The following ATP2B4 variants were observed in gnomAD, a reference collection of about 807,000 sequenced individuals.
ATP2B4 encodes ATPase plasma membrane Ca2+ transporting 4, also known as plasma membrane calcium-transporting ATPase 4.
Under a neutral mutation model 110.3 loss-of-function variants are expected in ATP2B4, and 39 were observed. That is an observed-to-expected ratio of 0.35 (90% CI 0.27 to 0.46). The LOEUF is 0.46. Ranked by LOEUF, ATP2B4 falls within the 20% of genes least tolerant of loss-of-function variation. The probability of loss-of-function intolerance (pLI) is 1.00; values close to 1 mark genes in which losing one functional copy is unlikely to be tolerated. For missense variants in ATP2B4, 1,135 were observed against 1,530.9 expected, an observed-to-expected ratio of 0.74 and a Z score of 4.32; for synonymous variants, 538 against 571.7, an observed-to-expected ratio of 0.94 and a Z score of 0.84.
chr1:203,649,569 G>C (rs1173858189), intron 1 of ATP2B4, among the ~76,000 whole-genome samples: 2 of 152,046 alleles, frequency 1.3e-5, no homozygotes, highest in Non-Finnish European at 2.9e-5. Context: ...CCAGGAGTTC[G>C]AGACCAGTCT....
Position 203,732,119 on chromosome 1 carries a change from G to A in ATP2B4, c.3309+4548G>A, listed in dbSNP as rs558786889. Among the ~76,000 whole-genome samples the A allele has an allele frequency of 8.8e-5, 13 of 147,200 alleles. No individual in the cohort carries two copies. The South Asian group carries it at 2.8e-3, about 32-fold the overall frequency. On this transcript the variant is annotated intron_variant, in intron 20 of 20. Coordinates refer to ENST00000357681, the MANE Select transcript of ATP2B4 (RefSeq NM_001684.5). ...GTGAACCCGGGAGGCGGAGCTTGCAGTGAGCCGAGATCGCACCTTGCACTC... is the reference window on the plus strand; with the variant it reads ...GTGAACCCGGGAGGCGGAGCTTGCAATGAGCCGAGATCGCACCTTGCACTC...
At chr1:203,628,101 G>C (rs910171642) in intron 1 of ATP2B4, among the ~76,000 whole-genome samples, 2 of 152,200 alleles carry the variant, frequency 1.3e-5, no homozygotes, top group Admixed American at 1.3e-4. Flanking sequence ...TGGCAGATGG[G>C]GTGGGCCACA....
intron 1 of ATP2B4, among the ~76,000 whole-genome samples, chr1:203,674,386 A>G (rs1553246542): frequency 6.6e-6 from 1 of 152,192 alleles, no homozygotes; most frequent in Non-Finnish European, 1.5e-5. Flanking sequence ...ACTGGAGGAC[A>G]CAGAGGTGAC....
intron 19 of ATP2B4, among the ~76,000 whole-genome samples, chr1:203,725,838 C>T (rs918248621): frequency 6.6e-6 from 1 of 151,362 alleles, no homozygotes; most frequent in Non-Finnish European, 1.5e-5. Context: ...TCCCCTAAAC[C>T]TGCTAGTTAT....
chr1:203,714,346 G>T (rs1666099806), intron 15 of ATP2B4, 69 bp downstream of exon 15: 1 of 1,552,534 alleles, frequency 6.4e-7, no homozygotes, highest in Admixed American at 1.7e-5. Flanking sequence ...TCCGGCTTCT[G>T]GTTGCCTGCT....
intron 18 of ATP2B4, 97 bp from the exon 19 acceptor site, chr1:203,723,784 G>A: frequency 1.1e-6 from 1 of 919,196 alleles, no homozygotes; most frequent in Non-Finnish European, 1.7e-6. Context: ...CAAGGATCCT[G>A]AGGAGTGGGA....
intron 1 of ATP2B4, among the ~76,000 whole-genome samples, chr1:203,635,456 TG>T: frequency 6.6e-6 from 1 of 152,276 alleles, no homozygotes; most frequent in Non-Finnish European, 1.5e-5. Context: ...ATTGTTGTTT[TG>T]TTTTTTTGTA....
Position 203,731,445 on chromosome 1 carries a change from A to C in ATP2B4, c.3309+3874A>C, listed in dbSNP as rs191161659. 2.6e-3 allele frequency among the ~76,000 whole-genome samples: 392 copies of C among 152,298 alleles called. 2 individuals are homozygous for C. The highest frequency in any genetic ancestry group is 3.9e-3 in the Non-Finnish European group (268 of 68,028). On this transcript the variant is annotated intron_variant, in intron 20 of 20. Coordinates refer to ENST00000357681, the MANE Select transcript of ATP2B4 (RefSeq NM_001684.5). ...AGATAGATATTTCTAAGATTATTCTACCAGATTCATGAAGGCTAAAGGGAA... is the reference window on the plus strand; with the variant it reads ...AGATAGATATTTCTAAGATTATTCTCCCAGATTCATGAAGGCTAAAGGGAA...
At chr1:203,659,972 C>A (rs934171188) in intron 1 of ATP2B4, among the ~76,000 whole-genome samples, 4 of 151,774 alleles carry the variant, frequency 2.6e-5, no homozygotes, top group African/African-American at 9.7e-5. Flanking sequence ...ATCTCAGCTA[C>A]TCGGGAGGCT....
intron 1 of ATP2B4, among the ~76,000 whole-genome samples, chr1:203,631,379 A>G (rs1219382558): frequency 6.6e-6 from 1 of 152,190 alleles, no homozygotes; most frequent in Admixed American, 6.5e-5. Context: ...ATGAACTGGG[A>G]TGGGATTACT....
intron 1 of ATP2B4, among the ~76,000 whole-genome samples, chr1:203,659,976 G>C (rs1426852844): frequency 2.0e-5 from 3 of 151,950 alleles, no homozygotes; most frequent in African/African-American, 7.3e-5. Context: ...CAGCTACTCG[G>C]GAGGCTGAGG....
At chr1:203,686,196 A>G (rs1326002461) in intron 2 of ATP2B4, among the ~76,000 whole-genome samples, 3 of 152,074 alleles carry the variant, frequency 2.0e-5, no homozygotes, top group Non-Finnish European at 4.4e-5. Flanking sequence ...TTATATCTTC[A>G]CTGAGATTAT....
chr1:203,733,314 T>C (rs1055202956), intron 20 of ATP2B4: 4 of 1,614,176 alleles, frequency 2.5e-6, no homozygotes, highest in Non-Finnish European at 3.4e-6. Flanking sequence ...GTAAAACTTG[T>C]TCCTAGTTCA....
chr1:203,674,637 CTTTTTTTTTTTTTTTT>C (rs57153257), intron 1 of ATP2B4, among the ~76,000 whole-genome samples: 9 of 46,268 alleles, frequency 1.9e-4, no homozygotes, highest in Admixed American at 3.6e-4. Flanking sequence ...CCACACCTGG[CTTTTTTTTTTTTTTTT>C]TTTTTTTTTT....
rs1440237379 is a variant in ATP2B4, at chr1:203,740,600, G to A, written c.*746G>A. On this transcript the variant is annotated 3_prime_UTR_variant, in exon 21 of 21. Coordinates refer to ENST00000357681, the MANE Select transcript of ATP2B4 (RefSeq NM_001684.5). ...AAAAGGGTCCTTTTGAAGCAATTAA[G>A]TGCTGGTAAGAATATTTCTCTGTTG... 2 of 152,178 alleles carry A rather than the reference G, an allele frequency of 1.3e-5. No individual in the cohort carries two copies. The highest frequency in any genetic ancestry group is 2.9e-5 in the Non-Finnish European group (2 of 68,040). 9.4% of individuals were successfully genotyped at this position (152,178 alleles called of 1,614,324 possible).
At position 203,740,567 on chromosome 1, in the gene ATP2B4, T is replaced by TGACC. The variant is rs1666978609; in HGVS notation, c.*713_*714insGACC. The TGACC allele has an allele frequency of 6.6e-6, 1 of 152,172 alleles. No homozygotes were observed. The highest frequency in any genetic ancestry group is 1.5e-5 in the Non-Finnish European group (1 of 68,034). 9.4% of individuals were successfully genotyped at this position (152,172 alleles called of 1,614,324 possible). A position where few individuals can be genotyped will look rare whatever the true frequency, so the allele number is the denominator to read the frequency against. On this transcript the variant is annotated 3_prime_UTR_variant, in exon 21 of 21. Coordinates refer to ENST00000357681, the MANE Select transcript of ATP2B4 (RefSeq NM_001684.5). ...ATTTAGTTCCAGAATCCAACCAGTT[T>TGACC]CTTTGTTAAAAGGGTCCTTTTGAAG...
In ATP2B4 at chr1:203,743,045, T is replaced by C. The variant is rs921993920; in HGVS notation, c.*3191T>C. On this transcript the variant is annotated 3_prime_UTR_variant, in exon 21 of 21. Transcript: ENST00000357681. The stretch of plus-strand genomic sequence containing the variant: ...AATGACTCTCCTGTCCCTAAAGGGG[T>C]TAAGAGAGAGATCACCTAGAAATCC... 1.3e-5 allele frequency: 2 copies of C among 152,600 alleles called. No individual in the cohort carries two copies. Among genetic ancestry groups the C allele is most frequent in the Admixed American group, 1.3e-4 (2 of 15,268 alleles). The allele number at this position is 152,600 out of a possible 1,614,324, so 9.5% of individuals were successfully genotyped here. A position where few individuals can be genotyped will look rare whatever the true frequency, so the allele number is the denominator to read the frequency against.
chr1:203,661,657 C>CA (rs1264907782), intron 1 of ATP2B4, among the ~76,000 whole-genome samples: 2 of 152,210 alleles, frequency 1.3e-5, no homozygotes. Flanking sequence ...TCTCCTACCA[C>CA]ACACAAGCAT....
intron 20 of ATP2B4, among the ~76,000 whole-genome samples, chr1:203,736,974 G>A (rs527677125): frequency 1.2e-4 from 19 of 152,264 alleles, no homozygotes; most frequent in African/African-American, 3.4e-4. Flanking sequence ...CCCTCTTCAC[G>A]TGAGCTTCCT....
Sources: allele counts gnomAD v4.1 joint callset (sites outside exome capture counted in the v4.1 genomes callset), GRCh38; gene constraint gnomAD v4.1.1; transcripts MANE v1.5; gene names NCBI Gene and HGNC (gene_info 2026-07-23, HGNC 2026-07-21).